The following PCSK7 variants were observed in gnomAD, a reference collection of about 807,000 sequenced individuals.
The protein encoded by PCSK7 is proprotein convertase subtilisin/kexin type 7.
PCSK7 carries 38 observed loss-of-function variants against 73.3 expected under a neutral mutation model. The ratio of observed to expected loss-of-function variants is 0.52; its 90% CI spans 0.40 to 0.68. The LOEUF (loss-of-function observed/expected upper bound fraction) is 0.68. Ranked by LOEUF, PCSK7 falls within the 30% of genes least tolerant of loss-of-function variation. PCSK7 has a pLI of 0.00. For synonymous variants in PCSK7, 296 were observed against 383.8 expected (o/e 0.77, Z 2.68); for missense variants, 692 against 991.5 (o/e 0.70, Z 4.06).
Position 117,229,603 on chromosome 11 carries a change from G to A in PCSK7, c.242C>T (p.Ala81Val). The A allele has an allele frequency of 1.9e-6, 3 of 1,614,080 alleles. No homozygotes were observed. The highest frequency in any genetic ancestry group is 2.5e-6 in the Non-Finnish European group (3 of 1,180,008). The change falls in exon 3 of 17, where the codon GCA (alanine) becomes GTA (valine). Residue 81 changes from alanine to valine, a missense_variant. Ala to Val is a moderately conservative substitution (Grantham distance 64). This residue lies in a region of PCSK7 where 574 missense variants were observed against 689.8 expected (regional missense o/e 0.83). Coordinates refer to ENST00000320934, the MANE Select transcript of PCSK7 (RefSeq NM_004716.4). ...GATGCGTCCAGCATTCACCAGCCCT[G>A]CTGCCTGGGCCAAGGCATCCGCCTG... ...EQQADALAQA[A>V]GLVNAGRIGE...
At chr11:117,230,177 A>G in intron 2 of PCSK7, 172 bp downstream of exon 2, 1 of 286,648 alleles carries the variant, frequency 3.5e-6, no homozygotes, top group Admixed American at 4.8e-5. Context: ...TGCCACCCAC[A>G]GGGCTCAAAG....
chr11:117,204,759 T>TAAAAA lies in PCSK7; in HGVS notation c.*1237_*1238insTTTTT. On this transcript the variant is annotated 3_prime_UTR_variant, in exon 17 of 17. Coordinates refer to ENST00000320934, the MANE Select transcript of PCSK7 (RefSeq NM_004716.4). The stretch of plus-strand genomic sequence containing the variant: ...CCTGGAATATTTTTGGGGTTGGAAC[T>TAAAAA]CAAAAAAAAAAAAAAAAAATCAATC... 1 of 138,966 alleles carries TAAAAA rather than the reference T, an allele frequency of 7.2e-6. No individual in the cohort carries two copies. The highest frequency in any genetic ancestry group is 1.5e-4 in the South Asian group (1 of 6,758). 8.6% of individuals were successfully genotyped at this position (138,966 alleles called of 1,614,324 possible).
At chr11:117,226,926 T>C (rs1320773847) in intron 5 of PCSK7, 3 of 457,440 alleles carry the variant, frequency 6.6e-6, no homozygotes, top group African/African-American at 4.1e-5. Flanking sequence ...AGAAGGCACT[T>C]TGTAATTTAT....
At chr11:117,215,837 G>C (rs969110215) in intron 12 of PCSK7, 3 of 151,594 alleles carry the variant, frequency 2.0e-5, no homozygotes, top group Non-Finnish European at 4.4e-5. Context: ...TATAGGCTAG[G>C]TATGAGCTAC....
In PCSK7 at chr11:117,225,748, G is replaced by A. The variant is rs1591804473; in HGVS notation, c.860+183C>T. ...TGGCAATCTGATTACGGGGGTGACGGGGGCTTAAGGTTGAGTGCCCAGTGG... is the reference window on the plus strand; with the variant it reads ...TGGCAATCTGATTACGGGGGTGACGAGGGCTTAAGGTTGAGTGCCCAGTGG... On this transcript the variant is annotated intron_variant, in intron 6 of 16. Coordinates refer to ENST00000320934, the MANE Select transcript of PCSK7 (RefSeq NM_004716.4). 6.5e-6 allele frequency: 4 copies of A among 615,654 alleles called. No homozygotes were observed. The East Asian group carries it at 1.1e-4, about 17-fold the overall frequency. 38.1% of individuals were successfully genotyped at this position (615,654 alleles called of 1,614,324 possible).
At chr11:117,219,823 C>T in intron 9 of PCSK7, 65 bp from the exon 10 acceptor site, 5 of 1,299,774 alleles carry the variant, frequency 3.8e-6, no homozygotes, top group Non-Finnish European at 5.3e-6. Flanking sequence ...CAGTGGTGTG[C>T]ACCTATAGTC....
Position 117,219,108 on chromosome 11 carries a change from GT to G in PCSK7, c.1379del (p.His460ProfsTer14), listed in dbSNP as rs1565310970. ...VTNEAGFSHS[H>X]QHGFGLLNAW... ...CGTTGAGGAGGCCGAAACCGTGCTG[GT>G]GGCTATGGCTGAAGCCTGCCTCGTT... On this transcript the variant is annotated frameshift_variant, in exon 11 of 17. Transcript: ENST00000320934. LOFTEE classifies it high-confidence loss of function. 1 of 1,611,288 alleles carries G rather than the reference GT, an allele frequency of 6.2e-7. No individual in the cohort carries two copies. Among genetic ancestry groups the G allele is most frequent in the South Asian group, 1.1e-5 (1 of 91,062 alleles).
intron 8 of PCSK7, 33 bp downstream of exon 8, chr11:117,224,045 A>G: frequency 1.9e-6 from 3 of 1,610,974 alleles, no homozygotes; most frequent in Non-Finnish European, 1.7e-6. Context: ...TCGGTGACAC[A>G]CACACAGGAG....
chr11:117,206,010 T>C lies in PCSK7; in HGVS notation c.2345A>G (p.Glu782Gly). The part of the protein sequence containing the change: ...QHLDVPHGKE[E>G]QIC ...CAGGCCCTGAGGTCAGCAGATCTGC[T>C]CCTCCTTCCCGTGCGGTACGTCTAG... Residue 782 changes from glutamate (E) to glycine (G), a missense_variant, in exon 17 of 17, where the codon GAG becomes GGG. Glu to Gly is a moderately conservative substitution (Grantham distance 98). Coordinates refer to ENST00000320934, the MANE Select transcript of PCSK7 (RefSeq NM_004716.4). The C allele has an allele frequency of 8.4e-7, 1 of 1,193,254 alleles. No individual in the cohort carries two copies. Among genetic ancestry groups the C allele is most frequent in the Admixed American group, 2.4e-5 (1 of 41,780 alleles). The allele number at this position is 1,193,254 out of a possible 1,614,324, so 73.9% of individuals were successfully genotyped here. A position where few individuals can be genotyped will look rare whatever the true frequency, so the allele number is the denominator to read the frequency against.
chr11:117,223,068 T>G (rs1178060588), intron 9 of PCSK7, 140 bp downstream of exon 9: 1 of 671,940 alleles, frequency 1.5e-6, no homozygotes, highest in Non-Finnish European at 2.7e-6. Flanking sequence ...TGGCATGCCT[T>G]AAGACATCCA....
rs546376522 is a variant in PCSK7 at position 117,224,437 on chromosome 11, C to A, written c.916-221G>T. 3.4e-3 allele frequency among the ~76,000 whole-genome samples: 525 copies of A among 152,248 alleles called. 2 individuals are homozygous for A. The highest frequency in any genetic ancestry group is 5.2e-3 in the Non-Finnish European group (356 of 68,012). On this transcript the variant is annotated intron_variant, in intron 7 of 16. Coordinates refer to ENST00000320934, the MANE Select transcript of PCSK7 (RefSeq NM_004716.4). ...TGAGTTGAATGATGACTGATGGACA[C>A]CCTCTGCTTATCAGAGGACAGGGTG...
At position 117,218,794 on chromosome 11, in the gene PCSK7, G is replaced by T; in HGVS notation, c.1432-226C>A. The T allele has an allele frequency of 1.8e-6, 1 of 566,444 alleles. No homozygotes were observed. Among genetic ancestry groups the T allele is most frequent in the Non-Finnish European group, 3.1e-6 (1 of 317,488 alleles). The allele number at this position is 566,444 out of a possible 1,614,324, so 35.1% of individuals were successfully genotyped here. A position where few individuals can be genotyped will look rare whatever the true frequency, so the allele number is the denominator to read the frequency against. Reference sequence around the variant, plus strand: ...GGAAACAGCTGTGTCCAGGGTGGAGGAGGGGAACCAGAGCATCCTGAGTCC... The same window carrying T: ...GGAAACAGCTGTGTCCAGGGTGGAGTAGGGGAACCAGAGCATCCTGAGTCC... On this transcript the variant is annotated intron_variant, in intron 11 of 16. Transcript: ENST00000320934. This position sits in a 1 kb window ranked among gnomAD's most constrained non-coding sequence, Gnocchi z 4.0.
At chr11:117,226,423 C>A (rs1047500003) in intron 5 of PCSK7, 17 of 208,468 alleles carry the variant, frequency 8.2e-5, no homozygotes, top group African/African-American at 3.9e-4. Context: ...GGTGTGATCC[C>A]CATAGCCCCC....
At chr11:117,223,113 C>T (rs1380264527) in intron 9 of PCSK7, 95 bp downstream of exon 9, 7 of 790,144 alleles carry the variant, frequency 8.9e-6, no homozygotes, top group South Asian at 4.3e-5. Context: ...AGTGTTGGGG[C>T]GGGGAAGCAG....
chr11:117,224,453 G>C (rs765373647), intron 7 of PCSK7, among the ~76,000 whole-genome samples: 7 of 152,168 alleles, frequency 4.6e-5, no homozygotes, highest in Non-Finnish European at 2.9e-5. Flanking sequence ...GCTTATCAGA[G>C]GACAGGGTGG....
intron 12 of PCSK7, chr11:117,216,105 G>A (rs1177899078): frequency 1.3e-5 from 2 of 152,248 alleles, no homozygotes; most frequent in East Asian, 3.9e-4. Flanking sequence ...TTCCCAAAGG[G>A]ATTACAGGTG....
chr11:117,204,447 G>A lies in PCSK7; in HGVS notation c.*1550C>T, dbSNP rs1041206576. 6.3e-7 allele frequency: 1 copy of A among 1,591,230 alleles called. No homozygotes were observed. The highest frequency in any genetic ancestry group is 1.3e-5 in the African/African-American group (1 of 74,336). On this transcript the variant is annotated 3_prime_UTR_variant, in exon 17 of 17. Coordinates refer to ENST00000320934, the MANE Select transcript of PCSK7 (RefSeq NM_004716.4). ...TAGCCTGCCTCACCCACACCCGTGT[G>A]GTACCTTCAGCCCTGGCCAAGCTTT...
At chr11:117,223,883 G>T in intron 8 of PCSK7, 195 bp downstream of exon 8, 1 of 594,924 alleles carries the variant, frequency 1.7e-6, no homozygotes, top group Non-Finnish European at 3.0e-6. Context: ...CCAGATGATG[G>T]CTTGAAGGTG....
Position 117,224,763 on chromosome 11 carries a change from G to T in PCSK7, c.861-8C>A. On this transcript the variant is annotated splice_region_variant and splice_polypyrimidine_tract_variant and intron_variant, in intron 6 of 16. Coordinates refer to ENST00000320934, the MANE Select transcript of PCSK7 (RefSeq NM_004716.4). Reference sequence around the variant, plus strand: ...TCGTCATCTGGTCCCCAGCTGTTGAGAAATAAATACCTAGAGGGGACAGCC... The same window carrying T: ...TCGTCATCTGGTCCCCAGCTGTTGATAAATAAATACCTAGAGGGGACAGCC... The T allele has an allele frequency of 6.2e-7, 1 of 1,610,412 alleles. No homozygotes were observed. Among genetic ancestry groups the T allele is most frequent in the Non-Finnish European group, 8.5e-7 (1 of 1,176,966 alleles).
Sources: allele counts gnomAD v4.1 joint callset (sites outside exome capture counted in the v4.1 genomes callset), GRCh38; gene constraint gnomAD v4.1.1; regional missense constraint gnomAD v4.1.1; non-coding constraint Gnocchi (gnomAD v3.1); transcripts MANE v1.5; gene names NCBI Gene and HGNC (gene_info 2026-07-23, HGNC 2026-07-21).